DMD: variants seen among roughly 807,000 people sequenced by gnomAD.
The protein encoded by DMD is dystrophin.
DMD carries 63 observed loss-of-function variants against 330.1 expected under a neutral mutation model. The observed-to-expected ratio is 0.19, with a 90% CI of 0.16 to 0.24. DMD has a LOEUF of 0.24. Among genes scored for constraint, DMD ranks in the 10% least tolerant of loss-of-function variants. The pLI is 1.00. For synonymous variants in DMD, 1,223 were observed against 959.8 expected (o/e 1.27, Z -5.07); for missense variants, 3,344 against 2,684.1 (o/e 1.25, Z -5.43).
At chrX:32,698,777 G>C (rs6631630) in intron 8 of DMD, among the ~76,000 whole-genome samples, 2 of 111,266 alleles carry the variant, frequency 1.8e-5, no homozygotes, top group Admixed American at 1.9e-4. Flanking sequence ...CTTTGTTCTA[G>C]TTGATGAAGA....
chrX:31,898,377 G>T (rs1224887526), intron 47 of DMD, among the ~76,000 whole-genome samples: 26 of 109,643 alleles, frequency 2.4e-4, no homozygotes, highest in Admixed American at 5.8e-4. Flanking sequence ...TATACTACAA[G>T]GCTACAGTAA....
chrX:32,932,019 A>G (rs972508632), intron 2 of DMD, among the ~76,000 whole-genome samples: 1 of 112,020 alleles, frequency 8.9e-6, no homozygotes, highest in Non-Finnish European at 1.9e-5. Flanking sequence ...ATTCAAATAT[A>G]CACACACGCA....
intron 1 of DMD, among the ~76,000 whole-genome samples, chrX:33,326,443 T>C (rs976641794): frequency 2.7e-5 from 3 of 111,758 alleles, no homozygotes; most frequent in African/African-American, 9.7e-5. Context: ...TGGAGGATTA[T>C]AAAGCATGTA....
At chrX:31,168,126 G>A (rs145333402) in intron 74 of DMD, among the ~76,000 whole-genome samples, 5,092 of 111,596 alleles carry the variant, frequency 0.046, 189 homozygotes, top group South Asian at 0.12. Flanking sequence ...TAGCAGTTAG[G>A]CTGAGACTCA....
intron 1 of DMD, among the ~76,000 whole-genome samples, chrX:33,198,802 T>C (rs1346704057): frequency 3.6e-5 from 4 of 110,715 alleles, no homozygotes; most frequent in Admixed American, 9.7e-5. Context: ...TATGAACAGA[T>C]GTTACGTGGT....
At chrX:32,526,442 A>T (rs1198064939) in intron 17 of DMD, among the ~76,000 whole-genome samples, 2 of 110,805 alleles carry the variant, frequency 1.8e-5, no homozygotes, top group Non-Finnish European at 3.8e-5. Context: ...TTTCTTGGCA[A>T]AAGTGTATTA....
chrX:31,678,257 C>G (rs1290899442), intron 53 of DMD, among the ~76,000 whole-genome samples: 1 of 111,918 alleles, frequency 8.9e-6, no homozygotes, highest in Non-Finnish European at 1.9e-5. Context: ...TCTTAGATGA[C>G]ATAACCAATT....
chrX:33,216,235 C>T (rs1358293021), upstream of DMD, among the ~76,000 whole-genome samples: 1 of 111,522 alleles, frequency 9.0e-6, no homozygotes, highest in Non-Finnish European at 1.9e-5. Flanking sequence ...TTGTATAGTT[C>T]TTTCACCTCC....
intron 55 of DMD, among the ~76,000 whole-genome samples, chrX:31,581,301 T>C (rs1258561888): frequency 8.9e-6 from 1 of 112,149 alleles, no homozygotes; most frequent in Non-Finnish European, 1.9e-5. Context: ...AATTAATCAA[T>C]AAGGTGTTAT....
intron 63 of DMD, among the ~76,000 whole-genome samples, chrX:31,229,548 T>C (rs1016524184): frequency 2.7e-5 from 3 of 112,085 alleles, no homozygotes; most frequent in Admixed American, 1.9e-4. Flanking sequence ...TATAGTGGTC[T>C]TTGTTTCTTC....
intron 19 of DMD, among the ~76,000 whole-genome samples, chrX:32,497,302 A>T (rs1044195946): frequency 8.9e-6 from 1 of 112,343 alleles, no homozygotes; most frequent in East Asian, 2.8e-4. Flanking sequence ...GTATCACCTT[A>T]AACACTATAA....
At chrX:32,460,216 A>G (rs1448043317) in intron 25 of DMD, among the ~76,000 whole-genome samples, 2 of 111,344 alleles carry the variant, frequency 1.8e-5, no homozygotes, top group South Asian at 3.8e-4. Context: ...CCAAAAAGAC[A>G]AAAAATAATT....
At chrX:32,474,255 C>A (rs2040988412) in intron 21 of DMD, among the ~76,000 whole-genome samples, 1 of 110,216 alleles carries the variant, frequency 9.1e-6, no homozygotes, top group Non-Finnish European at 1.9e-5. Flanking sequence ...GTTTCTTTAA[C>A]CACTCATTCA....
At chrX:31,168,279 C>T (rs1361244988) in intron 74 of DMD, among the ~76,000 whole-genome samples, 2 of 111,490 alleles carry the variant, frequency 1.8e-5, no homozygotes, top group Admixed American at 9.5e-5. Context: ...AGGGTTTGAA[C>T]GCCCCACTAA....
intron 43 of DMD, among the ~76,000 whole-genome samples, chrX:32,263,496 T>C (rs1358709343): frequency 8.9e-6 from 1 of 112,379 alleles, no homozygotes; most frequent in African/African-American, 3.2e-5. Flanking sequence ...TTGGCAAAAT[T>C]TGGTTTTTTA....
intron 63 of DMD, among the ~76,000 whole-genome samples, chrX:31,253,573 C>G (rs1351640880): frequency 8.9e-6 from 1 of 111,850 alleles, no homozygotes; most frequent in African/African-American, 3.2e-5. Context: ...CTTGGGCAAG[C>G]TGAGGAAAGA....
intron 1 of DMD, among the ~76,000 whole-genome samples, chrX:33,045,191 G>A (rs904041811): frequency 1.3e-4 from 14 of 110,566 alleles, no homozygotes; most frequent in African/African-American, 4.6e-4. Flanking sequence ...CCCATTTACA[G>A]ATTGTAAACC....
At position 33,211,354 on chromosome X, in the gene DMD, TAA is replaced by T. The variant is rs748485343; in HGVS notation, c.-44_-43del. ...CAAGGCAGCGATAAAAAAAACCTGG[TAA>T]AAGTTCTTCAAACTTTATTGCTCCA... On this transcript the variant is annotated 5_prime_UTR_variant, in exon 1 of 79. Transcript: ENST00000357033. The T allele has an allele frequency of 8.3e-7, 1 of 1,201,271 alleles. No homozygotes were observed. Among genetic ancestry groups the T allele is most frequent in the Non-Finnish European group, 1.1e-6 (1 of 889,075 alleles).
At chrX:33,282,258 C>T (rs1039070750) in intron 1 of DMD, among the ~76,000 whole-genome samples, 4 of 111,724 alleles carry the variant, frequency 3.6e-5, no homozygotes, top group African/African-American at 9.8e-5. Flanking sequence ...GAAAAGAGAG[C>T]CTCAGTTCTG....
Sources: allele counts gnomAD v4.1 joint callset (sites outside exome capture counted in the v4.1 genomes callset), GRCh38; gene constraint gnomAD v4.1.1; transcripts MANE v1.5; gene names NCBI Gene and HGNC (gene_info 2026-07-23, HGNC 2026-07-21).